Variants in WDFY3 observed in about 807,000 individuals in gnomAD.
WDFY3 encodes the protein WD repeat and FYVE domain containing 3, also known as WD repeat and FYVE domain-containing protein 3.
WDFY3 carries 66 observed loss-of-function variants against 409.6 expected under a neutral mutation model. That is an observed-to-expected ratio of 0.16 (90% CI 0.13 to 0.20). WDFY3 has a LOEUF of 0.20. Among genes scored for constraint, WDFY3 ranks in the 10% least tolerant of loss-of-function variants. WDFY3 has a pLI of 1.00. For synonymous variants in WDFY3, 1,521 were observed against 1,537.1 expected (o/e 0.99, Z 0.25); for missense variants, 3,031 against 4,298.1 (o/e 0.71, Z 8.24).
chr4:84,699,282 AG>A (rs1730686122), intron 56 of WDFY3, among the ~76,000 whole-genome samples: 1 of 152,142 alleles, frequency 6.6e-6, no homozygotes, highest in Non-Finnish European at 1.5e-5. Context: ...ACCTATTCTG[AG>A]TATTTCCTAT....
chr4:84,762,312 A>G (rs1165185941), intron 32 of WDFY3, among the ~76,000 whole-genome samples: 1 of 151,992 alleles, frequency 6.6e-6, no homozygotes, highest in Non-Finnish European at 1.5e-5. Context: ...TGTCCTTTGT[A>G]GGGACATGGA....
intron 1 of WDFY3, among the ~76,000 whole-genome samples, chr4:84,938,159 A>T (rs1213402460): frequency 6.6e-6 from 1 of 152,140 alleles, no homozygotes; most frequent in African/African-American, 2.4e-5. Flanking sequence ...TACAGCTCCA[A>T]TGCCTAAAAA....
intron 3 of WDFY3, among the ~76,000 whole-genome samples, chr4:84,872,342 A>G (rs886340043): frequency 3.3e-5 from 5 of 151,698 alleles, no homozygotes; most frequent in African/African-American, 1.2e-4. Context: ...GAGGGCGCCT[A>G]TGGTCCCAGC....
intron 61 of WDFY3, among the ~76,000 whole-genome samples, chr4:84,690,141 G>A (rs1323140441): frequency 6.6e-6 from 1 of 152,158 alleles, no homozygotes; most frequent in East Asian, 1.9e-4. Context: ...AAAGAATTTA[G>A]TGGCAGATAA....
At chr4:84,893,551 C>T (rs1426659022) in intron 3 of WDFY3, among the ~76,000 whole-genome samples, 1 of 152,170 alleles carries the variant, frequency 6.6e-6, no homozygotes, top group Non-Finnish European at 1.5e-5. Flanking sequence ...TTTTCCTCAC[C>T]TACTGATGAT....
chr4:84,697,898 A>G (rs1475880035), intron 56 of WDFY3, among the ~76,000 whole-genome samples: 1 of 152,230 alleles, frequency 6.6e-6, no homozygotes, highest in Admixed American at 6.5e-5. Flanking sequence ...TATCATTGCT[A>G]GTCGATGGTT....
At chr4:84,773,329 A>G (rs1744994862) in intron 29 of WDFY3, among the ~76,000 whole-genome samples, 1 of 152,324 alleles carries the variant, frequency 6.6e-6, no homozygotes, top group South Asian at 2.1e-4. Flanking sequence ...TCGAAATATG[A>G]ATTCTTTAAT....
At chr4:84,927,088 G>A (rs947204897) in intron 2 of WDFY3, among the ~76,000 whole-genome samples, 4 of 151,958 alleles carry the variant, frequency 2.6e-5, no homozygotes, top group Non-Finnish European at 4.4e-5. Context: ...CTAACAATGA[G>A]GTGTTTGTTT....
At chr4:84,815,347 G>A (rs1303520549) in intron 13 of WDFY3, among the ~76,000 whole-genome samples, 1 of 151,936 alleles carries the variant, frequency 6.6e-6, no homozygotes, top group African/African-American at 2.4e-5. Flanking sequence ...TCCCCTAAAA[G>A]CTTCAGTGTT....
At chr4:84,885,797 A>G (rs781496764) in intron 3 of WDFY3, among the ~76,000 whole-genome samples, 9 of 152,220 alleles carry the variant, frequency 5.9e-5, no homozygotes, top group Admixed American at 2.6e-4. Context: ...AACTACACAC[A>G]TGACTAGTGA....
chr4:84,854,938 G>A (rs1465074588), intron 4 of WDFY3, among the ~76,000 whole-genome samples: 2 of 151,898 alleles, frequency 1.3e-5, no homozygotes, highest in East Asian at 3.9e-4. Context: ...AAAATTTCTG[G>A]TTCTGCAGAG....
At chr4:84,819,303 G>C (rs2149806673) in intron 12 of WDFY3, among the ~76,000 whole-genome samples, 1 of 152,082 alleles carries the variant, frequency 6.6e-6, no homozygotes, top group Non-Finnish European at 1.5e-5. Context: ...GATGAATGCT[G>C]AGTTTCCCTG....
intron 24 of WDFY3, among the ~76,000 whole-genome samples, chr4:84,783,860 CAT>C (rs375618761): frequency 2.0e-4 from 28 of 139,940 alleles, no homozygotes; most frequent in African/African-American, 6.8e-4. Context: ...ATGTGTCATA[CAT>C]ACACACACAC....
chr4:84,787,492 T>C lies in WDFY3; in HGVS notation c.3891A>G (p.Val1297=), dbSNP rs1560759841. 1.2e-6 allele frequency: 2 copies of C among 1,613,952 alleles called. No homozygotes were observed. The highest frequency in any genetic ancestry group is 1.7e-6 in the Non-Finnish European group (2 of 1,179,816). Residue 1297 remains valine, a synonymous_variant, in exon 23 of 68, where the codon GTA becomes GTG. Transcript: ENST00000295888. ...GPNYVGSFQA[V]CMPCKDAKSE... is the part of the protein sequence containing the mutation. Reference sequence around the variant, plus strand: ...AAATAAGTTACTCACATGGCATACATACAGCCTGAAAGCTTCCAACATAAT... The same window carrying C: ...AAATAAGTTACTCACATGGCATACACACAGCCTGAAAGCTTCCAACATAAT...
At chr4:84,825,536 A>C (rs1433580212) in intron 10 of WDFY3, among the ~76,000 whole-genome samples, 1 of 151,892 alleles carries the variant, frequency 6.6e-6, no homozygotes, top group East Asian at 1.9e-4. Flanking sequence ...ATAGTAAATA[A>C]AATGAAACCT....
chr4:84,945,913 T>TA lies in WDFY3; in HGVS notation c.-225-13551dup, dbSNP rs1369802541. 5.3e-5 allele frequency among the ~76,000 whole-genome samples: 8 copies of TA among 151,886 alleles called. 1 individual carries two copies. The East Asian group carries it at 5.8e-4, about 11-fold the overall frequency. On this transcript the variant is annotated intron_variant, in intron 1 of 67. Transcript: ENST00000295888. ...GCAGAGTTTTATTTCCTCATAACAA[T>TA]AAAAAAACAAGCAAAAATGGAGGCT...
Position 84,794,609 on chromosome 4 carries a change from C to G in WDFY3, c.3397G>C (p.Glu1133Gln). 6.2e-7 allele frequency: 1 copy of G among 1,613,986 alleles called. No homozygotes were observed. The highest frequency in any genetic ancestry group is 8.5e-7 in the Non-Finnish European group (1 of 1,180,008). ...ATTGCAAGGCACACGTAATGTTGCT[C>G]AGAAGAATTTGCTCGGCGCACAACA... The part of the protein sequence containing the change: ...LTVVRRANSS[E>Q]QHYVCLAIVL... The change falls in exon 21 of 68, where the codon GAG becomes CAG. Residue 1133 changes from glutamate (E) to glutamine (Q), a missense_variant. By Grantham distance (29) the Glu-to-Gln change is conservative. This residue lies in a region of WDFY3 where 1,322 missense variants were observed against 1,697.9 expected (regional missense o/e 0.78). Transcript: ENST00000295888.
Position 84,794,668 on chromosome 4 carries a change from G to T in WDFY3, c.3338C>A (p.Ser1113Tyr). The T allele has an allele frequency of 1.9e-6, 3 of 1,613,550 alleles. No individual in the cohort carries two copies. Among genetic ancestry groups the T allele is most frequent in the Non-Finnish European group, 1.7e-6 (2 of 1,179,920 alleles). Residue 1113 changes from serine (S) to tyrosine (Y), a missense_variant, in exon 21 of 68, where the codon TCT becomes TAT. Coordinates refer to ENST00000295888, the MANE Select transcript of WDFY3 (RefSeq NM_014991.6). ...SSWFCIEHFSSPPNNHPVRLL... is the reference protein window; with the variant it reads ...SSWFCIEHFSYPPNNHPVRLL... ...TCTGACAGGGTGGTTATTTGGAGGA[G>T]AACTAAAATGTTCAATACAAAACCA...
chr4:84,700,120 T>C lies in WDFY3; in HGVS notation c.8596+2233A>G, dbSNP rs76243758. On this transcript the variant is annotated intron_variant, in intron 56 of 67. Coordinates refer to ENST00000295888, the MANE Select transcript of WDFY3 (RefSeq NM_014991.6). ...TTTTGATATCATATTTAAGAATATA[T>C]TGCCAAATTCAAGATCATGAAGATT... Among the ~76,000 whole-genome samples the C allele has an allele frequency of 1.7e-4, 26 of 152,300 alleles. No individual in the cohort carries two copies. In the East Asian group the frequency reaches 4.4e-3, roughly 26 times the overall value.
Sources: gnomAD v4.1 joint callset for allele counts (sites outside exome capture counted in the v4.1 genomes callset) on GRCh38, gnomAD v4.1.1 for gene constraint, gnomAD v4.1.1 regional missense constraint, MANE v1.5 for transcripts, NCBI Gene and HGNC (gene_info 2026-07-23, HGNC 2026-07-21) for gene names.